Variants in GPR158 observed in about 807,000 individuals in gnomAD.
The protein encoded by GPR158 is G protein-coupled receptor 158.
GPR158 carries 30 observed loss-of-function variants against 78.2 expected under a neutral mutation model. The ratio of observed to expected loss-of-function variants is 0.38; its 90% CI spans 0.29 to 0.52. The LOEUF (loss-of-function observed/expected upper bound fraction) is 0.52, where lower values mean the gene tolerates loss of function less well. Ranked by LOEUF, GPR158 falls within the 20% of genes least tolerant of loss-of-function variation. The pLI is 0.83. For synonymous variants in GPR158, 581 were observed against 591.1 expected, an observed-to-expected ratio of 0.98 and a Z score of 0.25; for missense variants, 1,463 against 1,523.5, an observed-to-expected ratio of 0.96 and a Z score of 0.66.
intron 5 of GPR158, among the ~76,000 whole-genome samples, chr10:25,473,268 C>T (rs1417205632): frequency 4.0e-5 from 6 of 151,828 alleles, no homozygotes; most frequent in East Asian, 1.9e-4. Context: ...TATTGATTTG[C>T]GTATATTGAA....
chr10:25,589,698 T>A (rs899050335), intron 8 of GPR158, among the ~76,000 whole-genome samples: 3 of 152,174 alleles, frequency 2.0e-5, no homozygotes, highest in Non-Finnish European at 4.4e-5. Flanking sequence ...TAAGAATGTA[T>A]AGCTTGGTCC....
intron 6 of GPR158, among the ~76,000 whole-genome samples, chr10:25,554,832 G>C (rs1220752329): frequency 2.0e-5 from 3 of 152,086 alleles, no homozygotes; most frequent in Admixed American, 1.3e-4. Flanking sequence ...AGTATATGGT[G>C]ATTATAAAAA....
chr10:25,504,763 AT>A (rs1002319081), intron 5 of GPR158, among the ~76,000 whole-genome samples: 10 of 152,104 alleles, frequency 6.6e-5, no homozygotes, highest in East Asian at 3.9e-4. Flanking sequence ...GTTTATATAA[AT>A]TTTTTTTATC....
intron 2 of GPR158, among the ~76,000 whole-genome samples, chr10:25,241,363 T>G (rs146156458): frequency 0.014 from 1,997 of 138,256 alleles, 74 homozygotes; most frequent in Middle Eastern, 0.065. Context: ...TTCTTTTCTC[T>G]TTTCTTTTCT....
At chr10:25,233,067 G>A (rs1401134962) in intron 2 of GPR158, among the ~76,000 whole-genome samples, 2 of 152,190 alleles carry the variant, frequency 1.3e-5, no homozygotes, top group Non-Finnish European at 2.9e-5. Context: ...GTGTGTAAAG[G>A]GGGAATCGTT....
chr10:25,484,348 T>C (rs930193514), intron 5 of GPR158, among the ~76,000 whole-genome samples: 7 of 152,216 alleles, frequency 4.6e-5, no homozygotes, highest in African/African-American at 1.7e-4. Context: ...AACTCATTAT[T>C]TTAGAATAAG....
intron 8 of GPR158, among the ~76,000 whole-genome samples, chr10:25,589,988 G>T (rs566558780): frequency 6.6e-6 from 1 of 152,136 alleles, no homozygotes; most frequent in Non-Finnish European, 1.5e-5. Flanking sequence ...TTTGTCTCTG[G>T]CCTCAGTGGA....
intron 5 of GPR158, among the ~76,000 whole-genome samples, chr10:25,510,987 A>G (rs947635716): frequency 6.6e-6 from 1 of 152,214 alleles, no homozygotes; most frequent in South Asian, 2.1e-4. Flanking sequence ...TGCAATTGCA[A>G]ATTATGCTGC....
intron 4 of GPR158, among the ~76,000 whole-genome samples, chr10:25,420,100 C>T (rs1045495586): frequency 1.3e-5 from 2 of 152,064 alleles, no homozygotes; most frequent in South Asian, 2.1e-4. Context: ...TTCTCCCATT[C>T]TGTGATTTTT....
chr10:25,325,058 G>A (rs1855010892), intron 2 of GPR158, among the ~76,000 whole-genome samples: 1 of 151,426 alleles, frequency 6.6e-6, no homozygotes, highest in South Asian at 2.1e-4. Context: ...TACCCAAGCT[G>A]GTCTCAAACT....
chr10:25,256,776 T>C (rs565016338), intron 2 of GPR158, among the ~76,000 whole-genome samples: 16 of 152,314 alleles, frequency 1.1e-4, no homozygotes, highest in African/African-American at 3.1e-4. Context: ...ATTAAACATA[T>C]AGATATGCTC....
intron 2 of GPR158, among the ~76,000 whole-genome samples, chr10:25,317,726 G>T (rs1245965): frequency 0.61 from 83,639 of 137,410 alleles, 26,129 homozygotes; most frequent in African/African-American, 0.71. Context: ...GTTTTTTTTT[G>T]TTTTGTTTTG....
At chr10:25,361,751 G>C (rs181035087) in intron 2 of GPR158, among the ~76,000 whole-genome samples, 2 of 152,028 alleles carry the variant, frequency 1.3e-5, no homozygotes, top group Admixed American at 1.3e-4. Flanking sequence ...TTGGAGAAAT[G>C]GCTATTCAAA....
At chr10:25,362,730 T>A (rs1343319618) in intron 2 of GPR158, among the ~76,000 whole-genome samples, 1 of 152,020 alleles carries the variant, frequency 6.6e-6, no homozygotes, top group East Asian at 1.9e-4. Context: ...TTTTCTTAAC[T>A]TTTAAAATGC....
chr10:25,425,617 G>C (rs1386179547), intron 4 of GPR158, among the ~76,000 whole-genome samples: 1 of 152,038 alleles, frequency 6.6e-6, no homozygotes, highest in Non-Finnish European at 1.5e-5. Flanking sequence ...ACGGCCCATG[G>C]AGTGGGAGAA....
rs562702990 is a variant in GPR158, at chr10:25,188,714, T to C, written c.902+12392T>C. ...AACCTAGGCAATACCATTCAGGACA[T>C]AGGCATGGGCAAGGACTTCATGACT... is the stretch of plus-strand genomic sequence containing the variant. On this transcript the variant is annotated intron_variant, in intron 1 of 10. Transcript: ENST00000376351. Among the ~76,000 whole-genome samples the C allele has an allele frequency of 1.6e-3, 249 of 152,304 alleles. 1 individual carries two copies. The highest frequency in any genetic ancestry group is 0.01 in the Middle Eastern group (3 of 294).
chr10:25,473,033 A>G (rs1034729807), intron 5 of GPR158, among the ~76,000 whole-genome samples: 6 of 152,210 alleles, frequency 3.9e-5, no homozygotes, highest in African/African-American at 1.2e-4. Flanking sequence ...GTCTTGTGCC[A>G]ATTTTCAAAG....
At chr10:25,293,780 CTG>C (rs1377085623) in intron 2 of GPR158, among the ~76,000 whole-genome samples, 1 of 147,880 alleles carries the variant, frequency 6.8e-6, no homozygotes, top group Admixed American at 6.7e-5. Context: ...GAGTTTCACA[CTG>C]TTGCCTGAGC....
intron 3 of GPR158, among the ~76,000 whole-genome samples, chr10:25,402,841 A>G (rs893451106): frequency 6.6e-6 from 1 of 151,948 alleles, no homozygotes; most frequent in East Asian, 1.9e-4. Flanking sequence ...GGTTAATTAG[A>G]TATTTGTGAT....
Sources: allele counts gnomAD v4.1 joint callset (sites outside exome capture counted in the v4.1 genomes callset), GRCh38; gene constraint gnomAD v4.1.1; transcripts MANE v1.5; gene names NCBI Gene and HGNC (gene_info 2026-07-23, HGNC 2026-07-21).